SLC12A9: variants seen among roughly 807,000 people sequenced by gnomAD.
SLC12A9 encodes CCC-interacting protein 1.
A neutral mutation model predicts 66.0 loss-of-function variants in SLC12A9; 55 were observed. The observed-to-expected ratio is 0.83, with a 90% CI of 0.67 to 1.04. The LOEUF is 1.04. SLC12A9 is among the 50% of genes least tolerant of loss of function. SLC12A9 has a pLI of 0.00. For synonymous variants in SLC12A9, 577 were observed against 569.0 expected, an observed-to-expected ratio of 1.01 and a Z score of -0.20; for missense variants, 1,061 against 1,241.9, an observed-to-expected ratio of 0.85 and a Z score of 2.19.
upstream of SLC12A9, among the ~76,000 whole-genome samples, chr7:100,852,357 C>T (rs1814118777): frequency 6.6e-6 from 1 of 152,180 alleles, no homozygotes; most frequent in African/African-American, 2.4e-5. Context: ...CGAAGTGGGC[C>T]GGATTTCCCG....
chr7:100,863,059 CTTCT>C (rs1814860013), intron 13 of SLC12A9, among the ~76,000 whole-genome samples: 1 of 147,912 alleles, frequency 6.8e-6, no homozygotes, highest in Non-Finnish European at 1.5e-5. Context: ...TTTTTTCCTT[CTTCT>C]TTTTTTTTTT....
chr7:100,852,243 C>T (rs996133310), upstream of SLC12A9, among the ~76,000 whole-genome samples: 4 of 152,288 alleles, frequency 2.6e-5, no homozygotes, highest in South Asian at 8.3e-4. Flanking sequence ...CTGGATCGGG[C>T]GCGAAGGGAG....
chr7:100,847,424 T>C (rs1813942315), intron 1 of SLC12A9, among the ~76,000 whole-genome samples: 1 of 152,116 alleles, frequency 6.6e-6, no homozygotes, highest in Non-Finnish European at 1.5e-5. Flanking sequence ...GGCATGTCAT[T>C]GGAGAATTAT....
At chr7:100,839,128 C>T (rs1813728613) in intron 1 of SLC12A9, among the ~76,000 whole-genome samples, 1 of 152,074 alleles carries the variant, frequency 6.6e-6, no homozygotes, top group Non-Finnish European at 1.5e-5. Context: ...TCGAGACCAT[C>T]CTGGCTAACA....
chr7:100,827,068 G>A (rs895446509), intron 1 of SLC12A9: 10 of 1,557,164 alleles, frequency 6.4e-6, no homozygotes, highest in Non-Finnish European at 8.7e-6. Context: ...AACTGAGTTT[G>A]GGGGGCCCTC....
At position 100,856,924 on chromosome 7, in the gene SLC12A9, C is replaced by G. The variant is rs762966162; in HGVS notation, c.505C>G (p.Leu169Val). The G allele has an allele frequency of 5.6e-6, 9 of 1,612,200 alleles. No homozygotes were observed. Among genetic ancestry groups the G allele is most frequent in the Non-Finnish European group, 7.6e-6 (9 of 1,179,960 alleles). Residue 169 changes from leucine to valine, a missense_variant, in exon 5 of 14, where the codon CTG (leucine) becomes GTG (valine). Leu to Val is a conservative substitution (Grantham distance 32). Transcript: ENST00000354161. Reference protein sequence around the residue: ...VLPQGYGWNLLYGSLLLGLVG... With the variant: ...VLPQGYGWNLVYGSLLLGLVG... ...GCCCCAGGGCTACGGCTGGAACCTG[C>G]TGTATGGCTCCCTGCTGCTGGGCCT...
At chr7:100,840,186 T>G (rs1288223067) in intron 1 of SLC12A9, among the ~76,000 whole-genome samples, 2 of 144,460 alleles carry the variant, frequency 1.4e-5, no homozygotes, top group African/African-American at 5.8e-5. Flanking sequence ...GTTCTTTGTT[T>G]TGTGGTGTGC....
At chr7:100,865,593 C>G in intron 13 of SLC12A9, 126 bp from the exon 14 acceptor site, 1 of 1,568,262 alleles carries the variant, frequency 6.4e-7, no homozygotes, top group Non-Finnish European at 8.6e-7. Flanking sequence ...CCGTAAGAGC[C>G]CGTACACAGT....
At chr7:100,855,007 T>C (rs1425865203) in intron 3 of SLC12A9, among the ~76,000 whole-genome samples, 7 of 151,922 alleles carry the variant, frequency 4.6e-5, no homozygotes, top group Admixed American at 3.9e-4. Flanking sequence ...CCACTAAAAT[T>C]ACAAAAATTA....
chr7:100,843,509 A>G (rs913037909), intron 1 of SLC12A9, among the ~76,000 whole-genome samples: 4 of 152,248 alleles, frequency 2.6e-5, no homozygotes, highest in African/African-American at 9.6e-5. Context: ...AGAAAGAGAA[A>G]AAAAGGCAGT....
intron 1 of SLC12A9, among the ~76,000 whole-genome samples, chr7:100,842,523 T>C (rs1230211146): frequency 6.6e-6 from 1 of 152,170 alleles, no homozygotes; most frequent in Non-Finnish European, 1.5e-5. Flanking sequence ...GACGTAGAGC[T>C]TTCATGCCAT....
intron 1 of SLC12A9, among the ~76,000 whole-genome samples, chr7:100,836,421 C>T (rs1486116021): frequency 2.6e-5 from 4 of 152,096 alleles, no homozygotes; most frequent in Non-Finnish European, 5.9e-5. Context: ...AGCCCTCTCC[C>T]AGGCCCCACT....
intron 9 of SLC12A9, chr7:100,860,873 C>T (rs1033750954): frequency 7.3e-6 from 4 of 550,690 alleles, no homozygotes; most frequent in Non-Finnish European, 1.0e-5. Flanking sequence ...TTCACTGACA[C>T]TGGGGATACA....
chr7:100,862,544 C>A (rs1226579132), intron 12 of SLC12A9, 137 bp from the exon 13 acceptor site: 3 of 1,018,466 alleles, frequency 2.9e-6, no homozygotes, highest in Non-Finnish European at 4.3e-6. Context: ...CGACACCAGC[C>A]CCTCTGCCCC....
At chr7:100,840,968 T>A (rs899475409) in intron 1 of SLC12A9, among the ~76,000 whole-genome samples, 1 of 151,394 alleles carries the variant, frequency 6.6e-6, no homozygotes, top group African/African-American at 2.4e-5. Context: ...ATTCAGTCTG[T>A]AGCGGCAACT....
In SLC12A9 at chr7:100,866,636, G is replaced by A. The variant is rs1563000373; in HGVS notation, c.*31G>A. 3 of 1,488,274 alleles carry A rather than the reference G, an allele frequency of 2.0e-6. No individual in the cohort carries two copies. Among genetic ancestry groups the A allele is most frequent in the Non-Finnish European group, 2.7e-6 (3 of 1,114,880 alleles). The allele number at this position is 1,488,274 out of a possible 1,614,324, so 92.2% of individuals were successfully genotyped here. On this transcript the variant is annotated 3_prime_UTR_variant, in exon 14 of 14. Transcript: ENST00000354161. This position sits in a 1 kb window ranked among gnomAD's most constrained non-coding sequence, Gnocchi z 7.3. Reference sequence around the variant, plus strand: ...CTGCCTCCAGGGCTAGGTAGAGAGGGCCCAGGCAGGCGGCCTATCCTGATC... The same window carrying A: ...CTGCCTCCAGGGCTAGGTAGAGAGGACCCAGGCAGGCGGCCTATCCTGATC...
chr7:100,836,517 C>T (rs547828705), intron 1 of SLC12A9, among the ~76,000 whole-genome samples: 1 of 152,282 alleles, frequency 6.6e-6, no homozygotes, highest in African/African-American at 2.4e-5. Context: ...TCACCCCATG[C>T]GCCACAGCCC....
At position 100,847,120 on chromosome 7, in the gene SLC12A9, C is replaced by T. The variant is rs561095267; in HGVS notation, n.229-12765C>T. ...CAAGAGTCTTGCCGATGCCCCCGGC[C>T]GAATAAACCCCTTCCTTCTTTAACT... On this transcript the variant is annotated intron_variant and non_coding_transcript_variant, in intron 1 of 1. Coordinates refer to the SLC12A9 transcript ENST00000461016. Among the ~76,000 whole-genome samples, 97 of 152,246 alleles carry T rather than the reference C, an allele frequency of 6.4e-4. No homozygotes were observed. The Middle Eastern group carries it at 0.01, about 16-fold the overall frequency.
intron 1 of SLC12A9, among the ~76,000 whole-genome samples, chr7:100,844,186 G>T (rs1813852636): frequency 6.6e-6 from 1 of 152,118 alleles, no homozygotes; most frequent in African/African-American, 2.4e-5. Context: ...TAGGACAAAA[G>T]GTTGCTATGG....
Sources: gnomAD v4.1 joint callset for allele counts (sites outside exome capture counted in the v4.1 genomes callset) on GRCh38, gnomAD v4.1.1 for gene constraint, Gnocchi (gnomAD v3.1) non-coding constraint, MANE v1.5 for transcripts, NCBI Gene and HGNC (gene_info 2026-07-23, HGNC 2026-07-21) for gene names.